SCRIB: variants seen among roughly 807,000 people sequenced by gnomAD.
The protein encoded by SCRIB is scribble planar cell polarity protein.
In SCRIB, 72 loss-of-function variants were observed where a neutral mutation model predicts 170.0. The ratio of observed to expected loss-of-function variants is 0.42; its 90% confidence interval spans 0.35 to 0.52. The LOEUF (loss-of-function observed/expected upper bound fraction) is 0.52. Ranked by LOEUF, SCRIB falls within the 20% of genes least tolerant of loss-of-function variation. The probability of loss-of-function intolerance (pLI) is 0.02; values close to 1 mark genes in which losing one functional copy is unlikely to be tolerated. For missense variants in SCRIB, 2,475 were observed against 2,338.5 expected (o/e 1.06, Z -1.20); for synonymous variants, 1,298 against 1,044.3 (o/e 1.24, Z -4.68).
At chr8:143,802,080 A>G (rs544198570) in intron 24 of SCRIB, among the ~76,000 whole-genome samples, 1 of 152,386 alleles carries the variant, frequency 6.6e-6, no homozygotes, top group South Asian at 2.1e-4. Flanking sequence ...GTGTTTAGAT[A>G]CACATTTAAA....
chr8:143,792,877 G>A lies in SCRIB; in HGVS notation c.4018-10C>T, dbSNP rs782641947. ...GCCCAGGCGTGGGGGGCTGGGGGGA[G>A]CGGACCTTGAGGTTTGGCTGGCATT... On this transcript the variant is annotated splice_polypyrimidine_tract_variant and intron_variant, in intron 29 of 36. Transcript: ENST00000356994. 7 of 1,507,396 alleles carry A rather than the reference G, an allele frequency of 4.6e-6. No homozygotes were observed. The highest frequency in any genetic ancestry group is 1.4e-5 in the African/African-American group (1 of 71,800). 93.4% of individuals were successfully genotyped at this position (1,507,396 alleles called of 1,614,324 possible). A position where few individuals can be genotyped will look rare whatever the true frequency, so the allele number is the denominator to read the frequency against.
Position 143,804,787 on chromosome 8 carries a change from G to A in SCRIB, c.2790C>T (p.His930=), listed in dbSNP as rs147850941. ...AGGCAGCGGTCAGCAGGGAGACGGC[G>A]TGGTCATGCCTGGCCTCAGTCACGT... The part of the protein sequence containing the change: ...GVDVTEARHD[H]AVSLLTAASP... The change falls in exon 21 of 37, where the codon CAC becomes CAT. Residue 930 remains histidine (H), a synonymous_variant. Transcript: ENST00000356994. The A allele has an allele frequency of 7.9e-5, 127 of 1,600,024 alleles. No individual in the cohort carries two copies. The highest frequency in any genetic ancestry group is 9.9e-5 in the Non-Finnish European group (117 of 1,176,718).
rs782585787 is a variant in SCRIB, at chr8:143,792,775, G to T, written c.4110C>A (p.Ala1370=). The T allele has an allele frequency of 1.9e-6, 3 of 1,584,948 alleles. No individual in the cohort carries two copies. The highest frequency in any genetic ancestry group is 2.6e-6 in the Non-Finnish European group (3 of 1,168,306). Residue 1370 remains alanine (A), a synonymous_variant, in exon 30 of 37, where the codon GCC becomes GCA. Coordinates refer to ENST00000356994, the MANE Select transcript of SCRIB (RefSeq NM_182706.5). The stretch of plus-strand genomic sequence containing the variant: ...GGGACACGCGCTTAGGGGGGCCCTC[G>T]GCCTGGGGCACGCGCACCTCCAGCT... The part of the protein sequence containing the change: ...YFELEVRVPQ[A]EGPPKRVSLV...
intron 1 of SCRIB, 96 bp downstream of exon 1, chr8:143,815,118 T>G: frequency 1.5e-6 from 2 of 1,350,766 alleles, no homozygotes; most frequent in Non-Finnish European, 1.9e-6. Flanking sequence ...CAGGGCCGGC[T>G]GGAGGCTGCG....
chr8:143,795,367 C>T (rs782387089), intron 25 of SCRIB, 34 bp from the exon 26 acceptor site: 4 of 1,612,590 alleles, frequency 2.5e-6, no homozygotes, highest in Non-Finnish European at 3.4e-6. Flanking sequence ...CGTCAGGCAC[C>T]ACCGGCCTCG....
In SCRIB at chr8:143,814,465, C is replaced by T. The variant is rs955113293; in HGVS notation, c.160-347G>A. Among the ~76,000 whole-genome samples, 3 of 152,292 alleles carry T rather than the reference C, an allele frequency of 2.0e-5. No individual in the cohort carries two copies. In the South Asian group the frequency reaches 6.2e-4, roughly 32 times the overall value. ...CCACCCTCCAGGGGCCCACACTGGC[C>T]TCTGCTACTGCATCCTGACAACAAG... On this transcript the variant is annotated intron_variant, in intron 1 of 36. Transcript: ENST00000356994.
At chr8:143,808,428 G>A (rs1161220615) in intron 15 of SCRIB, among the ~76,000 whole-genome samples, 181 bp downstream of exon 15, 2 of 152,132 alleles carry the variant, frequency 1.3e-5, no homozygotes, top group Non-Finnish European at 2.9e-5. Context: ...ACCAATGCCA[G>A]GGCAGGCCTG....
At position 143,791,088 on chromosome 8, in the gene SCRIB, T is replaced by C; in HGVS notation, c.*75A>G. 1.5e-6 allele frequency: 2 copies of C among 1,346,558 alleles called. No individual in the cohort carries two copies. Among genetic ancestry groups the C allele is most frequent in the Non-Finnish European group, 1.9e-6 (2 of 1,048,784 alleles). 83.4% of individuals were successfully genotyped at this position (1,346,558 alleles called of 1,614,324 possible). Reference sequence around the variant, plus strand: ...CTCTTTAAAATGCTAACACCCAGGTTAAAAGACTTGGGGCAAGGGTGGTGC... The same window carrying C: ...CTCTTTAAAATGCTAACACCCAGGTCAAAAGACTTGGGGCAAGGGTGGTGC... On this transcript the variant is annotated 3_prime_UTR_variant, in exon 37 of 37. Transcript: ENST00000356994.
At position 143,813,640 on chromosome 8, in the gene SCRIB, C is replaced by T. The variant is rs1483708117; in HGVS notation, c.443G>A (p.Gly148Asp). Residue 148 changes from glycine to aspartate, a missense_variant, in exon 4 of 37, where the codon GGC becomes GAC. This residue lies in a region of SCRIB where 487 missense variants were observed against 558.1 expected (regional missense o/e 0.87). Coordinates refer to ENST00000356994, the MANE Select transcript of SCRIB (RefSeq NM_182706.5). ...VSLQALPGDVGNLANLVTLEL... is the reference protein window; with the variant it reads ...VSLQALPGDVDNLANLVTLEL... ...TTCCACCTGAGAAGGCACTCACTTG[C>T]CCACGTCCCCGGGCAGTGCCTGCAG... The T allele has an allele frequency of 6.2e-7, 1 of 1,613,196 alleles. No homozygotes were observed. Among genetic ancestry groups the T allele is most frequent in the Non-Finnish European group, 8.5e-7 (1 of 1,179,974 alleles).
intron 14 of SCRIB, 80 bp downstream of exon 14, chr8:143,809,471 G>A (rs1251920185): frequency 1.7e-5 from 25 of 1,494,866 alleles, no homozygotes; most frequent in East Asian, 2.3e-5. Context: ...CACCAAAACC[G>A]ATCCCAGCTG....
rs756774710 is a variant in SCRIB at position 143,813,066 on chromosome 8, C to A, written c.606G>T (p.Leu202=). The change falls in exon 7 of 37, where the codon CTG becomes CTT. Residue 202 remains leucine, a synonymous_variant. Transcript: ENST00000356994. ...TLGALPNLRE[L]WLDRNQLSAL... is the part of the protein sequence containing the mutation. ...CTGACAGCTGGTTCCGGTCAAGCCA[C>A]AGCTCCCGAAGATTGGGCAGAGCCC... 6.9e-6 allele frequency: 11 copies of A among 1,587,568 alleles called. 1 individual carries two copies. The South Asian group carries it at 1.2e-4, about 18-fold the overall frequency.
At position 143,792,997 on chromosome 8, in the gene SCRIB, C is replaced by G. The variant is rs1460616299; in HGVS notation, c.3996G>C (p.Pro1332=). 6.6e-7 allele frequency: 1 copy of G among 1,511,284 alleles called. No individual in the cohort carries two copies. Among genetic ancestry groups the G allele is most frequent in the East Asian group, 2.5e-5 (1 of 40,762 alleles). The allele number at this position is 1,511,284 out of a possible 1,614,324, so 93.6% of individuals were successfully genotyped here. ...ACACCTGGGCAGGGGCATCCTCAGG[C>G]GGGTGAGAAGTGGGCACGGCCGCGA... The part of the protein sequence containing the change: ...RAFAAVPTSH[P]PEDAPAQPPT... Residue 1332 remains proline (P), a synonymous_variant, in exon 29 of 37, where the codon CCG becomes CCC. Coordinates refer to ENST00000356994, the MANE Select transcript of SCRIB (RefSeq NM_182706.5).
At position 143,803,824 on chromosome 8, in the gene SCRIB, G is replaced by C. The variant is rs1443648397; in HGVS notation, c.3237C>G (p.Leu1079=). ...GCAGCGACAGCTCCAGGCAGGGCCG[G>C]AGCAGGGCACTGACTGCTTCTTGGT... ...ATHQEAVSAL[L]RPCLELSLLV... The change falls in exon 23 of 37, where the codon CTC becomes CTG. Residue 1079 remains leucine, a synonymous_variant. Transcript: ENST00000356994. 2 of 1,604,278 alleles carry C rather than the reference G, an allele frequency of 1.2e-6. No individual in the cohort carries two copies. Among genetic ancestry groups the C allele is most frequent in the Admixed American group, 1.7e-5 (1 of 59,658 alleles).
chr8:143,813,766 A>T, intron 3 of SCRIB, 40 bp from the exon 4 acceptor site: 1 of 1,611,168 alleles, frequency 6.2e-7, no homozygotes, highest in East Asian at 2.2e-5. Context: ...TGACCAGTCC[A>T]GGGCTGTGGG....
Position 143,794,248 on chromosome 8 carries a change from C to T in SCRIB, c.3847-286G>A, listed in dbSNP as rs191664758. 1,112 of 443,442 alleles carry T rather than the reference C, an allele frequency of 2.5e-3. 15 individuals carry two copies. The highest frequency in any genetic ancestry group is 0.019 in the African/African-American group (990 of 51,370). The allele number at this position is 443,442 out of a possible 1,614,324, so 27.5% of individuals were successfully genotyped here. On this transcript the variant is annotated intron_variant, in intron 27 of 36. Coordinates refer to ENST00000356994, the MANE Select transcript of SCRIB (RefSeq NM_182706.5). ...CAGACAGGACAGCCGGAGAAGAGAG[C>T]AGGGAGGGCTCGGGGGAGGGGCCAG...
rs781900963 is a variant in SCRIB, at chr8:143,807,023, GAACA to G, written c.2179-14_2179-11del. 33 of 1,602,018 alleles carry G rather than the reference GAACA, an allele frequency of 2.1e-5. No individual in the cohort carries two copies. Among genetic ancestry groups the G allele is most frequent in the Non-Finnish European group, 2.4e-5 (28 of 1,171,720 alleles). On this transcript the variant is annotated splice_polypyrimidine_tract_variant and intron_variant, in intron 16 of 36. Coordinates refer to ENST00000356994, the MANE Select transcript of SCRIB (RefSeq NM_182706.5). ...GGATAGTGAGGGTCAGCTGGAAACA[GAACA>G]GACAGGGTGTCTAGAAGGGCCGCAG...
In SCRIB at chr8:143,791,807, G is replaced by A. The variant is rs1307923533; in HGVS notation, c.4696-67C>T. On this transcript the variant is annotated intron_variant, in intron 34 of 36. Transcript: ENST00000356994. ...AAAGGGGGGGATGAGGGCCACGGGG[G>A]TGGGGGCAGGCCAGACCCCACCCCC... The A allele has an allele frequency of 8.1e-6, 12 of 1,481,544 alleles. No individual in the cohort carries two copies. In the African/African-American group the frequency reaches 1.4e-4, roughly 17 times the overall value. The allele number at this position is 1,481,544 out of a possible 1,614,324, so 91.8% of individuals were successfully genotyped here.
chr8:143,808,726 C>T lies in SCRIB; in HGVS notation c.1998G>A (p.Glu666=). The change falls in exon 15 of 37, where the codon GAG becomes GAA. Residue 666 remains glutamate, a synonymous_variant. Transcript: ENST00000356994. ...RAQKEEEEEE[E]GSPQEEEEEE... Reference sequence around the variant, plus strand: ...CTTCCTCCTCCTCCTGAGGACTACCCTCTTCCTCCTCCTCCTCCTCCTTCT... The same window carrying T: ...CTTCCTCCTCCTCCTGAGGACTACCTTCTTCCTCCTCCTCCTCCTCCTTCT... 1.9e-6 allele frequency: 3 copies of T among 1,596,718 alleles called. No homozygotes were observed. Among genetic ancestry groups the T allele is most frequent in the Non-Finnish European group, 2.6e-6 (3 of 1,171,508 alleles).
At chr8:143,812,063 G>A (rs1011780040) in intron 9 of SCRIB, among the ~76,000 whole-genome samples, 11 of 152,108 alleles carry the variant, frequency 7.2e-5, no homozygotes, top group South Asian at 2.1e-4. Context: ...CACGGTAAAC[G>A]GCAAAGGCCC....
Sources: allele counts gnomAD v4.1 joint callset (sites outside exome capture counted in the v4.1 genomes callset), GRCh38; gene constraint gnomAD v4.1.1; regional missense constraint gnomAD v4.1.1; transcripts MANE v1.5; gene names NCBI Gene and HGNC (gene_info 2026-07-23, HGNC 2026-07-21).